MYO3A: variants seen among roughly 807,000 people sequenced by gnomAD.
MYO3A encodes the protein myosin-IIIa.
In MYO3A, 180 loss-of-function variants were observed where a neutral mutation model predicts 192.7. That is an observed-to-expected ratio of 0.93 (90% CI 0.83 to 1.06). MYO3A has a LOEUF of 1.06. Among genes scored for constraint, MYO3A ranks in the 50% least tolerant of loss-of-function variants. The pLI, the probability that MYO3A is intolerant of heterozygous loss-of-function variation, is 0.00. For missense variants in MYO3A, 1,896 were observed against 1,905.0 expected, an observed-to-expected ratio of 1.00 and a Z score of 0.09; for synonymous variants, 628 against 645.3, an observed-to-expected ratio of 0.97 and a Z score of 0.41.
chr10:26,081,943 A>G (rs1835986507), intron 14 of MYO3A, among the ~76,000 whole-genome samples: 1 of 152,182 alleles, frequency 6.6e-6, no homozygotes, highest in South Asian at 2.1e-4. Flanking sequence ...CTGCAGGAGC[A>G]ATCCGCTTTC....
intron 10 of MYO3A, among the ~76,000 whole-genome samples, chr10:26,055,698 A>G (rs542218116): frequency 3.9e-4 from 60 of 152,316 alleles, no homozygotes; most frequent in Non-Finnish European, 2.2e-4. Flanking sequence ...ATGGCAGAGC[A>G]TTCTGTTCCT....
rs1840329996 is a variant in MYO3A, at chr10:25,995,009, A to C, written c.304-1481A>C. 5.9e-5 allele frequency among the ~76,000 whole-genome samples: 9 copies of C among 152,136 alleles called. No individual in the cohort carries two copies. The South Asian group carries it at 1.9e-3, about 32-fold the overall frequency. On this transcript the variant is annotated intron_variant, in intron 4 of 34. Transcript: ENST00000642920. ...TGTCTTGGAGTTGCTCTTCTCGAGG[A>C]GTATCTTTGTGGCGTTCTCTGTATT...
At chr10:26,103,384 C>T (rs1274995808) in intron 17 of MYO3A, among the ~76,000 whole-genome samples, 1 of 152,198 alleles carries the variant, frequency 6.6e-6, no homozygotes, top group Non-Finnish European at 1.5e-5. Flanking sequence ...CCGTGGGCTG[C>T]ACCCACTGTC....
intron 4 of MYO3A, among the ~76,000 whole-genome samples, chr10:25,985,969 C>G (rs1451766255): frequency 6.6e-6 from 1 of 152,144 alleles, no homozygotes; most frequent in Non-Finnish European, 1.5e-5. Context: ...AAAATACTAG[C>G]AAACTGAATC....
At chr10:25,959,694 G>T (rs558159196) in intron 4 of MYO3A, among the ~76,000 whole-genome samples, 1 of 152,004 alleles carries the variant, frequency 6.6e-6, no homozygotes, top group Admixed American at 6.6e-5. Flanking sequence ...GGCTCATCAT[G>T]TAGTAATTTG....
intron 4 of MYO3A, among the ~76,000 whole-genome samples, chr10:25,962,397 T>C (rs890566340): frequency 1.4e-4 from 21 of 152,156 alleles, no homozygotes; most frequent in South Asian, 1.2e-3. Flanking sequence ...TTGCTGGCCC[T>C]CTGAAATTCC....
At chr10:26,102,563 T>C (rs557939205) in intron 17 of MYO3A, among the ~76,000 whole-genome samples, 1 of 152,336 alleles carries the variant, frequency 6.6e-6, no homozygotes, top group South Asian at 2.1e-4. Flanking sequence ...ATGATGGTGA[T>C]GTACAGATGG....
chr10:26,062,181 G>A (rs926503147), intron 10 of MYO3A, among the ~76,000 whole-genome samples: 5 of 151,898 alleles, frequency 3.3e-5, no homozygotes, highest in Non-Finnish European at 7.4e-5. Context: ...TTACATTCTA[G>A]TAAGGACTTC....
intron 26 of MYO3A, among the ~76,000 whole-genome samples, chr10:26,160,552 G>A (rs1841435398): frequency 6.6e-6 from 1 of 152,108 alleles, no homozygotes; most frequent in East Asian, 1.9e-4. Context: ...GTCTGTGGCA[G>A]GAGGATCACT....
At chr10:26,012,245 C>A (rs1841708913) in intron 6 of MYO3A, among the ~76,000 whole-genome samples, 1 of 151,934 alleles carries the variant, frequency 6.6e-6, no homozygotes, top group Admixed American at 6.6e-5. Context: ...AAGTACAGAG[C>A]AATTAAGCAA....
chr10:26,144,327 T>C (rs1840333301), intron 21 of MYO3A, among the ~76,000 whole-genome samples: 1 of 151,960 alleles, frequency 6.6e-6, no homozygotes, highest in Admixed American at 6.6e-5. Context: ...TTTCAGAAAA[T>C]GTGGATTCAC....
intron 10 of MYO3A, among the ~76,000 whole-genome samples, chr10:26,049,910 G>C (rs1304803100): frequency 6.6e-6 from 1 of 151,856 alleles, no homozygotes; most frequent in Admixed American, 6.6e-5. Flanking sequence ...TCATGACCTC[G>C]TGATCCACCC....
At position 25,996,567 on chromosome 10, in the gene MYO3A, T is replaced by C. The variant is rs778402280; in HGVS notation, c.381T>C (p.Ile127=). 2.5e-6 allele frequency: 4 copies of C among 1,613,782 alleles called. No homozygotes were observed. In the South Asian group the frequency reaches 4.4e-5, roughly 18 times the overall value. The part of the protein sequence containing the change: ...KRGERMSEPL[I]AYILHEALMG... ...GTGAAAGAATGAGTGAGCCTCTAAT[T>C]GCCTATATTTTACATGAAGCACTAA... The change falls in exon 5 of 35, where the codon ATT becomes ATC. Residue 127 remains isoleucine (I), a synonymous_variant. Transcript: ENST00000642920.
intron 14 of MYO3A, among the ~76,000 whole-genome samples, chr10:26,074,815 A>G (rs550504410): frequency 3.3e-5 from 5 of 151,878 alleles, no homozygotes. Flanking sequence ...ATCATTGCCA[A>G]TGCCAATGTC....
chr10:26,132,370 T>C (rs1433722678), intron 20 of MYO3A, among the ~76,000 whole-genome samples: 1 of 152,230 alleles, frequency 6.6e-6, no homozygotes, highest in Admixed American at 6.5e-5. Flanking sequence ...TGCACTGTGG[T>C]ATCATCATTG....
At chr10:25,941,853 T>C (rs78500785) in intron 2 of MYO3A, among the ~76,000 whole-genome samples, 9,660 of 152,296 alleles carry the variant, frequency 0.063, 402 homozygotes, top group Non-Finnish European at 0.094. Flanking sequence ...TGGAATCATA[T>C]AATGTTTCCC....
chr10:26,200,888 T>G (rs1214150867), intron 32 of MYO3A: 1 of 152,998 alleles, frequency 6.5e-6, no homozygotes, highest in Admixed American at 6.5e-5. Context: ...CAAAGCAGCT[T>G]AATTAACCTG....
At chr10:26,094,006 C>G (rs1158391391) in intron 15 of MYO3A, among the ~76,000 whole-genome samples, 4 of 152,172 alleles carry the variant, frequency 2.6e-5, no homozygotes, top group East Asian at 1.9e-4. Flanking sequence ...TTACTTTTCT[C>G]TTTAGAAATG....
chr10:26,086,317 G>A (rs1049775917), intron 14 of MYO3A, among the ~76,000 whole-genome samples: 5 of 151,972 alleles, frequency 3.3e-5, no homozygotes, highest in Non-Finnish European at 5.9e-5. Context: ...GGGGAAATCC[G>A]CCCCCATGAT....
Sources: gnomAD v4.1 joint callset for allele counts (sites outside exome capture counted in the v4.1 genomes callset) on GRCh38, gnomAD v4.1.1 for gene constraint, MANE v1.5 for transcripts, NCBI Gene and HGNC (gene_info 2026-07-23, HGNC 2026-07-21) for gene names.